TAOK3: variants seen among roughly 807,000 people sequenced by gnomAD.
The protein encoded by TAOK3 is TAO kinase 3.
TAOK3 carries 40 observed loss-of-function variants against 120.4 expected under a neutral mutation model. The ratio of observed to expected loss-of-function variants is 0.33; its 90% CI spans 0.26 to 0.43. TAOK3 has a LOEUF of 0.43. Among genes scored for constraint, TAOK3 ranks in the 20% least tolerant of loss-of-function variants. TAOK3 has a pLI of 1.00. For missense variants in TAOK3, 821 were observed against 1,112.1 expected (o/e 0.74, Z 3.72); for synonymous variants, 355 against 387.5 (o/e 0.92, Z 0.99).
chr12:118,359,963 G>A (rs17512644), intron 1 of TAOK3, among the ~76,000 whole-genome samples: 17,581 of 152,086 alleles, frequency 0.12, 1,283 homozygotes, highest in Middle Eastern at 0.19. Context: ...TCTAAGATGC[G>A]CGATTATTAA....
chr12:118,330,516 T>C (rs891161756), intron 1 of TAOK3, among the ~76,000 whole-genome samples: 1 of 152,030 alleles, frequency 6.6e-6, no homozygotes, highest in Non-Finnish European at 1.5e-5. Flanking sequence ...GGTTAAGATA[T>C]GGTGTAAGTG....
At chr12:118,215,926 G>A (rs530149761) in intron 9 of TAOK3, among the ~76,000 whole-genome samples, 2 of 151,290 alleles carry the variant, frequency 1.3e-5, no homozygotes, top group Admixed American at 6.6e-5. Flanking sequence ...GAGGCTGGGC[G>A]CGTTGGCTGA....
chr12:118,243,987 C>T (rs1168634087), intron 4 of TAOK3, among the ~76,000 whole-genome samples: 3 of 151,868 alleles, frequency 2.0e-5, no homozygotes, highest in East Asian at 1.9e-4. Context: ...CCTAAACATG[C>T]CATTTCTTTA....
chr12:118,312,139 A>G (rs1253813205), intron 1 of TAOK3, among the ~76,000 whole-genome samples: 2 of 152,182 alleles, frequency 1.3e-5, no homozygotes, highest in East Asian at 1.9e-4. Flanking sequence ...ATAATTGTAA[A>G]TCTATAATTT....
At chr12:118,187,005 C>A (rs75752792) in intron 14 of TAOK3, among the ~76,000 whole-genome samples, 18,298 of 152,040 alleles carry the variant, frequency 0.12, 1,183 homozygotes, top group Middle Eastern at 0.15. Context: ...CAAAGCCAGG[C>A]CTCTTTTAGG....
At chr12:118,154,716 T>C (rs1431502515) in intron 19 of TAOK3, among the ~76,000 whole-genome samples, 2 of 152,052 alleles carry the variant, frequency 1.3e-5, no homozygotes, top group African/African-American at 4.8e-5. Context: ...ACTGGGATTA[T>C]AGGTGTGAGC....
chr12:118,235,700 A>C, intron 7 of TAOK3, 29 bp from the exon 8 acceptor site: 1 of 1,467,644 alleles, frequency 6.8e-7, no homozygotes, highest in Admixed American at 1.9e-5. Context: ...GGGTTAGAAA[A>C]TTACTTTTCA....
At chr12:118,348,001 C>A (rs1381386484) in intron 1 of TAOK3, among the ~76,000 whole-genome samples, 1 of 152,192 alleles carries the variant, frequency 6.6e-6, no homozygotes, top group African/African-American at 2.4e-5. Flanking sequence ...AAAGTTCAAA[C>A]CTCCTGTTAT....
At chr12:118,213,073 A>G in intron 10 of TAOK3, 78 bp from the exon 11 acceptor site, 3 of 916,128 alleles carry the variant, frequency 3.3e-6, no homozygotes, top group African/African-American at 3.4e-5. Context: ...ATTTTCATTC[A>G]AGGGAAAATT....
chr12:118,151,816 A>T (rs901569715), intron 20 of TAOK3, among the ~76,000 whole-genome samples: 1 of 152,102 alleles, frequency 6.6e-6, no homozygotes, highest in African/African-American at 2.4e-5. Flanking sequence ...ATTTTTTTTT[A>T]AACAGCCCTG....
Position 118,160,784 on chromosome 12 carries a change from CAG to C in TAOK3, c.2140-428_2140-427del, listed in dbSNP as rs1327606369. 1.3e-5 allele frequency among the ~76,000 whole-genome samples: 2 copies of C among 151,966 alleles called. No individual in the cohort carries two copies. Among genetic ancestry groups the C allele is most frequent in the East Asian group, 3.9e-4 (2 of 5,188 alleles). Reference sequence around the variant, plus strand: ...TGTTTCACCCTGTTTTCAAGTGAGACAGGGGATAGCATTATATAAGCCAGCTC... The same window carrying C: ...TGTTTCACCCTGTTTTCAAGTGAGACGGGATAGCATTATATAAGCCAGCTC... On this transcript the variant is annotated intron_variant, in intron 18 of 20. Coordinates refer to ENST00000392533, the MANE Select transcript of TAOK3 (RefSeq NM_016281.4). This position sits in a 1 kb window ranked among gnomAD's most constrained non-coding sequence, Gnocchi z 4.2.
At position 118,241,928 on chromosome 12, in the gene TAOK3, T is replaced by C. The variant is rs1219288320; in HGVS notation, c.294+1487A>G. 2.6e-5 allele frequency among the ~76,000 whole-genome samples: 4 copies of C among 152,088 alleles called. No individual in the cohort carries two copies. In the East Asian group the frequency reaches 7.7e-4, roughly 29 times the overall value. ...GAGTTCGAGACCAGCCTGACCAACA[T>C]GGAGAAACCCCGTCTCTACTAAATA... On this transcript the variant is annotated intron_variant, in intron 5 of 20. Coordinates refer to ENST00000392533, the MANE Select transcript of TAOK3 (RefSeq NM_016281.4).
intron 1 of TAOK3, among the ~76,000 whole-genome samples, chr12:118,324,008 A>T (rs963226863): frequency 6.6e-6 from 1 of 152,218 alleles, no homozygotes; most frequent in Non-Finnish European, 1.5e-5. Flanking sequence ...AGTCCACTAA[A>T]AATCACAGCT....
chr12:118,284,614 G>C (rs1448606310), intron 1 of TAOK3, among the ~76,000 whole-genome samples: 2 of 152,124 alleles, frequency 1.3e-5, no homozygotes, highest in Admixed American at 6.6e-5. Flanking sequence ...TAGACATACA[G>C]GTAGAGATAT....
At chr12:118,169,512 T>C (rs1413136616) in intron 17 of TAOK3, among the ~76,000 whole-genome samples, 1 of 151,288 alleles carries the variant, frequency 6.6e-6, no homozygotes, top group Non-Finnish European at 1.5e-5. Flanking sequence ...GGTTTCACCA[T>C]GTTGGCCAGG....
chr12:118,331,569 G>A (rs1211326002), intron 1 of TAOK3, among the ~76,000 whole-genome samples: 4 of 150,470 alleles, frequency 2.7e-5, no homozygotes, highest in Non-Finnish European at 5.9e-5. Flanking sequence ...CATTTGAACT[G>A]GGGAGGTGGA....
At position 118,172,406 on chromosome 12, in the gene TAOK3, T is replaced by G. The variant is rs187784188; in HGVS notation, c.1899+51A>C. 139 of 1,577,322 alleles carry G rather than the reference T, an allele frequency of 8.8e-5. No individual in the cohort carries two copies. In the Middle Eastern group the frequency reaches 1.7e-3, roughly 19 times the overall value. ...GGCAGACATGGTCACAAGCCTCACA[T>G]AGCATATTGTCTCCTATGTCAATGA... On this transcript the variant is annotated intron_variant, in intron 17 of 20. Coordinates refer to ENST00000392533, the MANE Select transcript of TAOK3 (RefSeq NM_016281.4).
intron 1 of TAOK3, among the ~76,000 whole-genome samples, chr12:118,287,956 C>A (rs950265289): frequency 6.6e-6 from 1 of 151,628 alleles, no homozygotes; most frequent in African/African-American, 2.4e-5. Context: ...GATTACAATG[C>A]CAGGCACTGG....
intron 17 of TAOK3, among the ~76,000 whole-genome samples, chr12:118,171,127 A>G (rs1473159244): frequency 6.6e-6 from 1 of 152,182 alleles, no homozygotes; most frequent in Non-Finnish European, 1.5e-5. Flanking sequence ...CCAACCTCCC[A>G]AATTAGAAAC....
Sources: allele counts gnomAD v4.1 joint callset (sites outside exome capture counted in the v4.1 genomes callset), GRCh38; gene constraint gnomAD v4.1.1; non-coding constraint Gnocchi (gnomAD v3.1); transcripts MANE v1.5; gene names NCBI Gene and HGNC (gene_info 2026-07-23, HGNC 2026-07-21).